CDAN1: variants seen among roughly 807,000 people sequenced by gnomAD.
CDAN1 encodes codanin-1.
In CDAN1, 107 loss-of-function variants were observed where a neutral mutation model predicts 139.8. The observed-to-expected ratio is 0.77, with a 90% CI of 0.65 to 0.90. The LOEUF (loss-of-function observed/expected upper bound fraction) is 0.90, where lower values mean the gene tolerates loss of function less well. Ranked by LOEUF, CDAN1 falls within the 40% of genes least tolerant of loss-of-function variation. The pLI, the probability that CDAN1 is intolerant of heterozygous loss-of-function variation, is 0.00. For missense variants in CDAN1, 1,667 were observed against 1,575.7 expected (o/e 1.06, Z -0.98); for synonymous variants, 776 against 660.6 (o/e 1.17, Z -2.68).
rs1439003101 is a variant in CDAN1 at position 42,728,812 on chromosome 15, T to C, written c.2646-2A>G. 2 of 1,614,020 alleles carry C rather than the reference T, an allele frequency of 1.2e-6. No homozygotes were observed. The highest frequency in any genetic ancestry group is 1.7e-6 in the Non-Finnish European group (2 of 1,180,016). ...ACCAGATCTGCCACCAGTGTAGCCC[T>C]GCAGCAGGGACAGCAAGGTTGGGGA... On this transcript the variant is annotated splice_acceptor_variant, in intron 19 of 27. Transcript: ENST00000356231. LOFTEE classifies it high-confidence loss of function.
Position 42,730,974 on chromosome 15 carries a change from G to A in CDAN1, c.1958C>T (p.Pro653Leu). 5.0e-6 allele frequency: 8 copies of A among 1,614,182 alleles called. No individual in the cohort carries two copies. The highest frequency in any genetic ancestry group is 1.6e-4 in the Middle Eastern group (1 of 6,062). Residue 653 changes from proline (P) to leucine (L), a missense_variant, in exon 13 of 28, where the codon CCT (proline) becomes CTT (leucine). Around this residue, in one of 3 missense-constraint regions of CDAN1, gnomAD observed 936 missense variants for 844.1 expected, o/e 1.11. Transcript: ENST00000356231. Reference protein sequence around the residue: ...VAFLPYRGPEPPPTGELQDSI... With the variant: ...VAFLPYRGPELPPTGELQDSI... The stretch of plus-strand genomic sequence containing the variant: ...GTCCTGAAGCTCACCGGTCGGGGGA[G>A]GTTCAGGCCCCCGGTATGGCAGGAA...
In CDAN1 at chr15:42,730,758, G is replaced by A. The variant is rs1170439297; in HGVS notation, c.2014C>T (p.Pro672Ser). The A allele has an allele frequency of 6.2e-7, 1 of 1,612,238 alleles. No homozygotes were observed. The highest frequency in any genetic ancestry group is 8.5e-7 in the Non-Finnish European group (1 of 1,179,118). ...SILALRSQVPPVLDVRTLLQR... is the reference protein window; with the variant it reads ...SILALRSQVPSVLDVRTLLQR... Reference sequence around the variant, plus strand: ...AGCAGAGTCCGCACATCCAGGACCGGAGGGACCTGGGAGGGCCAGAGCTCA... The same window carrying A: ...AGCAGAGTCCGCACATCCAGGACCGAAGGGACCTGGGAGGGCCAGAGCTCA... The change falls in exon 14 of 28, where the codon CCG becomes TCG. Residue 672 changes from proline (P) to serine (S), a missense_variant. Physicochemically the swap from Pro to Ser is moderately conservative, Grantham distance 74. This residue lies in a region of CDAN1 where 936 missense variants were observed against 844.1 expected (regional missense o/e 1.11). Transcript: ENST00000356231.
At position 42,734,212 on chromosome 15, in the gene CDAN1, G is replaced by C; in HGVS notation, c.1257+14C>G. 3 of 1,614,132 alleles carry C rather than the reference G, an allele frequency of 1.9e-6. No homozygotes were observed. Among genetic ancestry groups the C allele is most frequent in the Admixed American group, 1.7e-5 (1 of 60,034 alleles). ...TAGGTCCAGGCTAGTGGGCAACTAA[G>C]CTGGGGTTACTACCTTGGCAACACT... On this transcript the variant is annotated intron_variant, in intron 7 of 27. Coordinates refer to ENST00000356231, the MANE Select transcript of CDAN1 (RefSeq NM_138477.4).
Position 42,729,258 on chromosome 15 carries a change from G to T in CDAN1, c.2512C>A (p.Gln838Lys), listed in dbSNP as rs2061576366. ...TPTTTTSLGA[Q>K]PSQTSQGLQA... ...AGCCCCTGGCTGGTCTGGGAAGGCT[G>T]GGCTCCCAGGCTGGTGGTAGTGGTG... is the stretch of plus-strand genomic sequence containing the variant. Residue 838 changes from glutamine to lysine, a missense_variant, in exon 18 of 28, where the codon CAG (glutamine) becomes AAG (lysine). Gln to Lys is a moderately conservative substitution (Grantham distance 53). This residue lies in a region of CDAN1 where 936 missense variants were observed against 844.1 expected (regional missense o/e 1.11). Transcript: ENST00000356231. 6.2e-7 allele frequency: 1 copy of T among 1,613,526 alleles called. No individual in the cohort carries two copies. The highest frequency in any genetic ancestry group is 1.7e-5 in the Admixed American group (1 of 59,978).
intron 1 of CDAN1, 46 bp downstream of exon 1, chr15:42,736,967 G>A: frequency 1.3e-6 from 2 of 1,521,858 alleles, no homozygotes; most frequent in Non-Finnish European, 1.8e-6. Context: ...ACTCCACTGC[G>A]GGAACCGGCT....
At chr15:42,734,706 C>T (rs1230911050) in intron 6 of CDAN1, among the ~76,000 whole-genome samples, 1 of 151,940 alleles carries the variant, frequency 6.6e-6, no homozygotes, top group Admixed American at 6.5e-5. Flanking sequence ...CCTGGACCTC[C>T]CAGGCTCAGG....
chr15:42,725,260 CA>C lies in CDAN1; in HGVS notation c.3451-10del. On this transcript the variant is annotated splice_polypyrimidine_tract_variant and intron_variant, in intron 26 of 27. Coordinates refer to ENST00000356231, the MANE Select transcript of CDAN1 (RefSeq NM_138477.4). ...AATAGCAGCAAGTCCCACTGCAAAA[CA>C]CACCGAGGTCAGGGTTGCTAGGAGG... 1 of 1,613,218 alleles carries C rather than the reference CA, an allele frequency of 6.2e-7. No homozygotes were observed. Among genetic ancestry groups the C allele is most frequent in the Non-Finnish European group, 8.5e-7 (1 of 1,179,146 alleles).
chr15:42,732,233 A>T (rs1285709641), intron 10 of CDAN1, 100 bp downstream of exon 10: 1 of 1,125,406 alleles, frequency 8.9e-7, no homozygotes, highest in Non-Finnish European at 1.4e-6. Flanking sequence ...CCAGCCCAGG[A>T]CCTGCCAGGC....
Position 42,730,232 on chromosome 15 carries a change from C to G in CDAN1, c.2175-17G>C, listed in dbSNP as rs374093958. 6.8e-6 allele frequency: 11 copies of G among 1,609,364 alleles called. No individual in the cohort carries two copies. The African/African-American group carries it at 8.0e-5, about 12-fold the overall frequency. ...ACCAAGCTCCTGAAACATCAATGGG[C>G]AGTACACGGGTTTGAGCAGAAAGGG... is the stretch of plus-strand genomic sequence containing the variant. On this transcript the variant is annotated splice_polypyrimidine_tract_variant and intron_variant, in intron 14 of 27. Coordinates refer to ENST00000356231, the MANE Select transcript of CDAN1 (RefSeq NM_138477.4).
chr15:42,727,836 C>G (rs2061552080), intron 22 of CDAN1, 67 bp from the exon 23 acceptor site: 8 of 1,610,742 alleles, frequency 5.0e-6, no homozygotes, highest in Non-Finnish European at 6.8e-6. Context: ...CCATGCTAAC[C>G]CATGCCTTTT....
chr15:42,733,778 T>C (rs1040764166), intron 8 of CDAN1, among the ~76,000 whole-genome samples, 160 bp downstream of exon 8: 1 of 152,192 alleles, frequency 6.6e-6, no homozygotes, highest in Non-Finnish European at 1.5e-5. Flanking sequence ...CACATGAGAA[T>C]GAAGCCAGGT....
intron 14 of CDAN1, 108 bp from the exon 15 acceptor site, chr15:42,730,323 G>A: frequency 4.6e-6 from 5 of 1,089,954 alleles, no homozygotes; most frequent in Non-Finnish European, 7.0e-6. Flanking sequence ...AAAGGGACTG[G>A]GGCCATGTTG....
In CDAN1 at chr15:42,734,261, G is replaced by T; in HGVS notation, c.1222C>A (p.Arg408Ser). Residue 408 changes from arginine to serine, a missense_variant, in exon 7 of 28, where the codon CGC (arginine) becomes AGC (serine). Transcript: ENST00000356231. ...LLCFSPALQG[R>S]LRAAYEGSVA... is the part of the protein sequence containing the mutation. ...CTGCCCTCATAGGCAGCTCGAAGGC[G>T]GCCTTGCAGAGCTGGTGAGAAGCAC... The T allele has an allele frequency of 6.2e-7, 1 of 1,614,058 alleles. No homozygotes were observed. The highest frequency in any genetic ancestry group is 1.7e-4 in the Middle Eastern group (1 of 5,954).
chr15:42,729,314 C>T lies in CDAN1; in HGVS notation c.2456G>A (p.Arg819Gln), dbSNP rs775821246. 8.1e-6 allele frequency: 13 copies of T among 1,614,142 alleles called. No individual in the cohort carries two copies. The highest frequency in any genetic ancestry group is 3.3e-5 in the Admixed American group (2 of 60,018). The change falls in exon 18 of 28, where the codon CGG becomes CAG. Residue 819 changes from arginine (R) to glutamine (Q), a missense_variant. This residue lies in a region of CDAN1 where 936 missense variants were observed against 844.1 expected (regional missense o/e 1.11). Coordinates refer to ENST00000356231, the MANE Select transcript of CDAN1 (RefSeq NM_138477.4). The stretch of plus-strand genomic sequence containing the variant: ...GATTTTCCTCATGAAGCCCCCACTC[C>T]GTCCACTACTGCCTGACACCCACGA... Reference protein sequence around the residue: ...LASWVSGSSGRSGGFMRKITP... With the variant: ...LASWVSGSSGQSGGFMRKITP...
rs773968503 is a variant in CDAN1 at position 42,729,353 on chromosome 15, C to T, written c.2417G>A (p.Arg806Gln). 2 of 1,614,146 alleles carry T rather than the reference C, an allele frequency of 1.2e-6. No homozygotes were observed. Among genetic ancestry groups the T allele is most frequent in the South Asian group, 1.1e-5 (1 of 91,084 alleles). Residue 806 changes from arginine to glutamine, a missense_variant, in exon 18 of 28, where the codon CGG becomes CAG. Transcript: ENST00000356231. ...YTCCPYIGEL[R>Q]KLLASWVSGS... ...TGACACCCACGAAGCGAGCAGTTTC[C>T]GGAGCTCTCCTGTATCAGTGAAGTC...
At position 42,723,573 on chromosome 15, in the gene CDAN1, C is replaced by A. The variant is rs1230870833; in HGVS notation, c.*918G>T. On this transcript the variant is annotated 3_prime_UTR_variant, in exon 28 of 28. Transcript: ENST00000356231. Reference sequence around the variant, plus strand: ...ACATCAAGCCCTTGTTAAAGAAAACCAGTTTATTCTAAAAAGCTCTAAATG... The same window carrying A: ...ACATCAAGCCCTTGTTAAAGAAAACAAGTTTATTCTAAAAAGCTCTAAATG... 6.6e-6 allele frequency: 1 copy of A among 152,108 alleles called. No homozygotes were observed. Among genetic ancestry groups the A allele is most frequent in the Non-Finnish European group, 1.5e-5 (1 of 68,038 alleles). The allele number at this position is 152,108 out of a possible 1,614,324, so 9.4% of individuals were successfully genotyped here.
At chr15:42,736,218 C>T in intron 2 of CDAN1, 84 bp downstream of exon 2, 1 of 1,590,308 alleles carries the variant, frequency 6.3e-7, no homozygotes, top group Non-Finnish European at 8.5e-7. Context: ...CATCCTGGCG[C>T]TCCACTGCGG....
chr15:42,726,741 G>A, intron 23 of CDAN1: 1 of 409,580 alleles, frequency 2.4e-6, no homozygotes, highest in Non-Finnish European at 4.5e-6. Context: ...AAGCATGTAA[G>A]GAAACCGGCC....
In CDAN1 at chr15:42,731,696, T is replaced by G; in HGVS notation, c.1663A>C (p.Ser555Arg). The change falls in exon 11 of 28, where the codon AGT becomes CGT. Residue 555 changes from serine to arginine, a missense_variant. Ser to Arg is a moderately radical substitution (Grantham distance 110). This residue lies in a region of CDAN1 where 936 missense variants were observed against 844.1 expected (regional missense o/e 1.11). Coordinates refer to ENST00000356231, the MANE Select transcript of CDAN1 (RefSeq NM_138477.4). ...LQERLMAPQSSGGPCPPPTFP... is the reference protein window; with the variant it reads ...LQERLMAPQSRGGPCPPPTFP... ...GTGGGGGGTGGGCAGGGCCCCCCACTGCTCTGAGGAGCCATAAGCCGTTCC... is the reference window on the plus strand; with the variant it reads ...GTGGGGGGTGGGCAGGGCCCCCCACGGCTCTGAGGAGCCATAAGCCGTTCC... 1 of 1,614,084 alleles carries G rather than the reference T, an allele frequency of 6.2e-7. No homozygotes were observed. The highest frequency in any genetic ancestry group is 8.5e-7 in the Non-Finnish European group (1 of 1,179,986).
Sources: allele counts gnomAD v4.1 joint callset (sites outside exome capture counted in the v4.1 genomes callset), GRCh38; gene constraint gnomAD v4.1.1; regional missense constraint gnomAD v4.1.1; transcripts MANE v1.5; gene names NCBI Gene and HGNC (gene_info 2026-07-23, HGNC 2026-07-21).